Variants in RERG observed in about 807,000 individuals in gnomAD.
RERG encodes RAS like estrogen regulated growth inhibitor.
A neutral mutation model predicts 23.2 loss-of-function variants in RERG; 25 were observed. The observed-to-expected ratio is 1.08, with a 90% CI of 0.79 to 1.50. RERG has a LOEUF of 1.50. Ranked by LOEUF, RERG falls within the 40% of genes most tolerant of loss-of-function variation. The pLI, the probability that RERG is intolerant of heterozygous loss-of-function variation, is 0.00. For synonymous variants in RERG, 81 were observed against 89.1 expected, an observed-to-expected ratio of 0.91 and a Z score of 0.51; for missense variants, 253 against 250.1, an observed-to-expected ratio of 1.01 and a Z score of -0.08.
chr12:15,123,366 G>A (rs1170932873), intron 2 of RERG, among the ~76,000 whole-genome samples: 1 of 151,656 alleles, frequency 6.6e-6, no homozygotes, highest in Non-Finnish European at 1.5e-5. Flanking sequence ...CAGTTATGCA[G>A]CAATACTTTC....
At chr12:15,213,047 T>C (rs931367798) in intron 2 of RERG, among the ~76,000 whole-genome samples, 1 of 152,224 alleles carries the variant, frequency 6.6e-6, no homozygotes, top group Admixed American at 6.5e-5. Context: ...TCTATGAACT[T>C]AAGCCTTCAT....
In RERG at chr12:15,136,359, A is replaced by C. The variant is rs994745116; in HGVS notation, c.62-15240T>G. On this transcript the variant is annotated intron_variant, in intron 2 of 4. Coordinates refer to ENST00000256953, the MANE Select transcript of RERG (RefSeq NM_032918.3). ...AAATAATTAATGTTTAGTTTTGTTA[A>C]TTTTTCTATAGATATTCTATTTTCA... Among the ~76,000 whole-genome samples, 10 of 151,500 alleles carry C rather than the reference A, an allele frequency of 6.6e-5. No homozygotes were observed. The East Asian group carries it at 1.7e-3, about 26-fold the overall frequency.
At chr12:15,124,532 T>C (rs1401644003) in intron 2 of RERG, among the ~76,000 whole-genome samples, 5 of 152,066 alleles carry the variant, frequency 3.3e-5, no homozygotes, top group Non-Finnish European at 7.4e-5. Context: ...CTTTTCTTTA[T>C]AGAATTCATG....
At chr12:15,218,230 A>T (rs979034328) in intron 1 of RERG, among the ~76,000 whole-genome samples, 1 of 152,206 alleles carries the variant, frequency 6.6e-6, no homozygotes, top group Non-Finnish European at 1.5e-5. Context: ...GATAAATGCC[A>T]TGCTCCAAGT....
intron 2 of RERG, among the ~76,000 whole-genome samples, chr12:15,189,536 C>G (rs928826211): frequency 2.0e-5 from 3 of 152,064 alleles, no homozygotes; most frequent in African/African-American, 7.2e-5. Flanking sequence ...TCAGTTTTCC[C>G]CATTATAGCT....
chr12:15,198,800 G>A (rs1865179186), intron 2 of RERG, among the ~76,000 whole-genome samples: 1 of 152,010 alleles, frequency 6.6e-6, no homozygotes, highest in African/African-American at 2.4e-5. Context: ...ATATTTCTGC[G>A]ACCATTCTTC....
chr12:15,163,792 G>A (rs900555203), intron 2 of RERG, among the ~76,000 whole-genome samples: 1 of 152,284 alleles, frequency 6.6e-6, no homozygotes, highest in East Asian at 1.9e-4. Context: ...AGACTGCCTA[G>A]TGGGAAAGAC....
chr12:15,140,665 A>G (rs745346233), intron 2 of RERG, among the ~76,000 whole-genome samples: 1 of 152,020 alleles, frequency 6.6e-6, no homozygotes, highest in Non-Finnish European at 1.5e-5. Flanking sequence ...TTAAAGGATA[A>G]TTTCACTGGA....
intron 3 of RERG, among the ~76,000 whole-genome samples, chr12:15,113,445 G>A (rs79058054): frequency 6.6e-6 from 1 of 152,102 alleles, no homozygotes; most frequent in African/African-American, 2.4e-5. Context: ...GGCATTAAAA[G>A]AAGAAATTGT....
At chr12:15,156,278 G>A (rs1040612939) in intron 2 of RERG, among the ~76,000 whole-genome samples, 3 of 152,144 alleles carry the variant, frequency 2.0e-5, no homozygotes, top group Admixed American at 2.0e-4. Context: ...GGAAGGCAGT[G>A]CCAAATGTCA....
intron 2 of RERG, among the ~76,000 whole-genome samples, chr12:15,151,615 G>T (rs757406275): frequency 5.3e-5 from 8 of 152,106 alleles, no homozygotes; most frequent in Non-Finnish European, 1.0e-4. Context: ...GGTAACAAAA[G>T]GTAGAAATCT....
rs1031896866 is a variant in RERG at position 15,109,432 on chromosome 12, T to A, written c.278A>T (p.Glu93Val). ...GATGTTCTTAAGTGGCAGCACTTCC[T>A]CAAAACTTCCTCGGTCAGTAATGTC... ...VYDITDRGSF[E>V]EVLPLKNILD... The change falls in exon 5 of 5, where the codon GAG becomes GTG. Residue 93 changes from glutamate to valine, a missense_variant. Transcript: ENST00000256953. 2 of 1,614,070 alleles carry A rather than the reference T, an allele frequency of 1.2e-6. No individual in the cohort carries two copies. Among genetic ancestry groups the A allele is most frequent in the Non-Finnish European group, 1.7e-6 (2 of 1,179,980 alleles).
chr12:15,206,713 A>C (rs1865296659), intron 2 of RERG, among the ~76,000 whole-genome samples: 1 of 152,134 alleles, frequency 6.6e-6, no homozygotes, highest in Non-Finnish European at 1.5e-5. Flanking sequence ...ACACATTTCC[A>C]AACTCAGCTC....
intron 2 of RERG, among the ~76,000 whole-genome samples, chr12:15,207,437 A>AAAAC (rs542174506): frequency 1.6e-3 from 241 of 152,242 alleles, no homozygotes; most frequent in South Asian, 3.1e-3. Context: ...GCATACGTTA[A>AAAAC]AAACAAACAA....
intron 2 of RERG, among the ~76,000 whole-genome samples, chr12:15,197,925 G>A (rs911947503): frequency 1.3e-5 from 2 of 152,106 alleles, no homozygotes; most frequent in African/African-American, 4.8e-5. Context: ...TTTGCCCAAG[G>A]AGACTGGCTC....
intron 2 of RERG, among the ~76,000 whole-genome samples, chr12:15,199,943 CA>C (rs2136140293): frequency 6.6e-6 from 1 of 152,040 alleles, no homozygotes; most frequent in East Asian, 1.9e-4. Context: ...AATTATTTTA[CA>C]GTAACTTTTG....
intron 2 of RERG, among the ~76,000 whole-genome samples, chr12:15,147,067 C>CA (rs544852513): frequency 0.018 from 1,903 of 105,532 alleles, 21 homozygotes; most frequent in African/African-American, 0.042. Context: ...TCAGTGAAGC[C>CA]AAAAAAAAAA....
At chr12:15,122,073 G>A (rs1863842199) in intron 2 of RERG, among the ~76,000 whole-genome samples, 1 of 151,740 alleles carries the variant, frequency 6.6e-6, no homozygotes, top group Non-Finnish European at 1.5e-5. Flanking sequence ...CTTAAAAAAT[G>A]GAATGAAAGC....
chr12:15,184,598 G>T lies in RERG; in HGVS notation c.61+32831C>A, dbSNP rs913144187. On this transcript the variant is annotated intron_variant, in intron 2 of 4. Coordinates refer to ENST00000256953, the MANE Select transcript of RERG (RefSeq NM_032918.3). ...ACTGAGATCCGGATCATTATTACAG[G>T]CTGTAAACCTGGGAACACAGTGTGT... 2.0e-5 allele frequency among the ~76,000 whole-genome samples: 3 copies of T among 152,268 alleles called. No homozygotes were observed. In the East Asian group the frequency reaches 5.8e-4, roughly 29 times the overall value.
Sources: gnomAD v4.1 joint callset for allele counts (sites outside exome capture counted in the v4.1 genomes callset) on GRCh38, gnomAD v4.1.1 for gene constraint, MANE v1.5 for transcripts, NCBI Gene and HGNC (gene_info 2026-07-23, HGNC 2026-07-21) for gene names.